TMEM245: variants seen among roughly 807,000 people sequenced by gnomAD.
TMEM245 encodes the protein protein CG-2.
TMEM245 carries 69 observed loss-of-function variants against 101.2 expected under a neutral mutation model. That is an observed-to-expected ratio of 0.68 (90% confidence interval 0.56 to 0.83). The LOEUF is 0.83. Among genes scored for constraint, TMEM245 ranks in the 40% least tolerant of loss-of-function variants. TMEM245 has a pLI of 0.00. For synonymous variants in TMEM245, 537 were observed against 449.8 expected (o/e 1.19, Z -2.45); for missense variants, 1,075 against 1,092.8 (o/e 0.98, Z 0.23).
chr9:109,073,549 C>T, intron 8 of TMEM245, 111 bp from the exon 9 acceptor site: 1 of 751,762 alleles, frequency 1.3e-6, no homozygotes, highest in Non-Finnish European at 2.2e-6. Flanking sequence ...AATAAATACA[C>T]ATCTTTGCTT....
chr9:109,101,513 G>A (rs759158157), intron 3 of TMEM245, among the ~76,000 whole-genome samples: 1 of 151,836 alleles, frequency 6.6e-6, no homozygotes, highest in Non-Finnish European at 1.5e-5. Context: ...TTAGGGGCAA[G>A]AAGAAAAAAA....
rs1829899907 is a variant in TMEM245, at chr9:109,088,331, A to T, written c.1151-989T>A. Among the ~76,000 whole-genome samples, 6 of 152,334 alleles carry T rather than the reference A, an allele frequency of 3.9e-5. No homozygotes were observed. The South Asian group carries it at 1.2e-3, about 32-fold the overall frequency. On this transcript the variant is annotated intron_variant, in intron 5 of 17. Transcript: ENST00000374586. ...CCTATAGTTTCAGTAAGTCCAGGGT[A>T]ATTACAAGCTGTAGAAAAGCTTTTA...
Position 109,050,697 on chromosome 9 carries a change from C to T in TMEM245, c.1855-5G>A, listed in dbSNP as rs200084619. ...GATCCACAGAGACTCCAAGATCTGA[C>T]GAGGAAGGAAAGCTGGATATCAGAA... is the stretch of plus-strand genomic sequence containing the variant. On this transcript the variant is annotated splice_polypyrimidine_tract_variant and splice_region_variant and intron_variant, in intron 12 of 17. Coordinates refer to ENST00000374586, the MANE Select transcript of TMEM245 (RefSeq NM_032012.4). The T allele has an allele frequency of 2.6e-5, 42 of 1,610,522 alleles. No individual in the cohort carries two copies. The highest frequency in any genetic ancestry group is 1.0e-4 in the Admixed American group (6 of 59,368).
chr9:109,114,614 G>C (rs1830661258), intron 1 of TMEM245, among the ~76,000 whole-genome samples: 1 of 152,084 alleles, frequency 6.6e-6, no homozygotes, highest in Non-Finnish European at 1.5e-5. Flanking sequence ...TAAAAAGATG[G>C]GAACAATGGG....
intron 8 of TMEM245, among the ~76,000 whole-genome samples, chr9:109,074,023 T>C (rs113793279): frequency 5.9e-5 from 9 of 152,026 alleles, no homozygotes; most frequent in African/African-American, 2.2e-4. Context: ...ACCACGCCTG[T>C]CTAATTTTGT....
At position 109,119,825 on chromosome 9, in the gene TMEM245, C is replaced by G; in HGVS notation, c.89G>C (p.Ser30Thr). Reference sequence around the variant, plus strand: ...CCGCGGGGTCTCCCCGCCACCGCCACTCGGCCCGACCGCGCGCGGGACCCG... The same window carrying G: ...CCGCGGGGTCTCCCCGCCACCGCCAGTCGGCCCGACCGCGCGCGGGACCCG... ...APRVPRAVGP[S>T]GGGGETPRTA... Residue 30 changes from serine (S) to threonine (T), a missense_variant, in exon 1 of 18, where the codon AGT becomes ACT. Physicochemically the swap from Ser to Thr is moderately conservative, Grantham distance 58. Around this residue, in one of 2 missense-constraint regions of TMEM245, gnomAD observed 808 missense variants for 741.5 expected, o/e 1.09. Coordinates refer to ENST00000374586, the MANE Select transcript of TMEM245 (RefSeq NM_032012.4). 1 of 1,387,108 alleles carries G rather than the reference C, an allele frequency of 7.2e-7. No homozygotes were observed. Among genetic ancestry groups the G allele is most frequent in the Non-Finnish European group, 9.3e-7 (1 of 1,077,584 alleles). The allele number at this position is 1,387,108 out of a possible 1,614,324, so 85.9% of individuals were successfully genotyped here.
At chr9:109,030,394 A>G (rs904912140) in intron 17 of TMEM245, among the ~76,000 whole-genome samples, 1 of 152,240 alleles carries the variant, frequency 6.6e-6, no homozygotes, top group African/African-American at 2.4e-5. Context: ...GTACTTTTAG[A>G]AGGACAAAGA....
intron 16 of TMEM245, among the ~76,000 whole-genome samples, chr9:109,034,007 A>T (rs1337507106): frequency 6.6e-6 from 1 of 152,256 alleles, no homozygotes; most frequent in Non-Finnish European, 1.5e-5. Flanking sequence ...GTGATGATAA[A>T]AGGCCTCCTG....
At chr9:109,061,224 GAGGATCA>G (rs1437513853) in intron 10 of TMEM245, among the ~76,000 whole-genome samples, 5 of 152,130 alleles carry the variant, frequency 3.3e-5, no homozygotes, top group African/African-American at 4.8e-5. Flanking sequence ...ACTGAGATGA[GAGGATCA>G]CCTGAGTCCA....
At chr9:109,119,194 G>A (rs542682745) in intron 1 of TMEM245, 141 bp downstream of exon 1, 29 of 780,668 alleles carry the variant, frequency 3.7e-5, no homozygotes, top group Admixed American at 1.2e-4. Context: ...TGAGGTGTGA[G>A]AAGGAAAGCG....
At chr9:109,106,183 C>T (rs1002778295) in intron 3 of TMEM245, among the ~76,000 whole-genome samples, 4 of 52,316 alleles carry the variant, frequency 7.6e-5, no homozygotes, top group Non-Finnish European at 1.1e-4. Context: ...TATGATTGTG[C>T]CACTGCACTC....
rs959542408 is a variant in TMEM245 at position 109,016,206 on chromosome 9, T to A, written c.*4254A>T. ...CCTTTTATAAATTCACAATGTGTAA[T>A]AGCATGTTCAAAACTCTTAGAAGTC... On this transcript the variant is annotated 3_prime_UTR_variant, in exon 18 of 18. Transcript: ENST00000374586. 6.6e-6 allele frequency: 1 copy of A among 152,534 alleles called. No individual in the cohort carries two copies. Among genetic ancestry groups the A allele is most frequent in the East Asian group, 1.9e-4 (1 of 5,202 alleles). 9.4% of individuals were successfully genotyped at this position (152,534 alleles called of 1,614,324 possible). A position where few individuals can be genotyped will look rare whatever the true frequency, so the allele number is the denominator to read the frequency against.
chr9:109,032,541 C>T (rs192831923), intron 17 of TMEM245, among the ~76,000 whole-genome samples: 5 of 151,460 alleles, frequency 3.3e-5, no homozygotes, highest in Admixed American at 3.3e-4. Flanking sequence ...CCTGCCACCA[C>T]ATCTGGCTAA....
rs146952905 is a variant in TMEM245, at chr9:109,051,269, G to T, written c.1855-577C>A. Among the ~76,000 whole-genome samples the T allele has an allele frequency of 2.0e-3, 296 of 146,508 alleles. 3 individuals carry two copies. The highest frequency in any genetic ancestry group is 7.0e-3 in the African/African-American group (271 of 38,638). On this transcript the variant is annotated intron_variant, in intron 12 of 17. Transcript: ENST00000374586. ...ATCCTACCATTGCACTGTAGCCTGG[G>T]CAGCAAGAGCAAAACTCTGTCTCAA...
In TMEM245 at chr9:109,033,358, G is replaced by A. The variant is rs773993595; in HGVS notation, c.2543C>T (p.Thr848Met). 1.1e-5 allele frequency: 18 copies of A among 1,613,740 alleles called. No homozygotes were observed. Among genetic ancestry groups the A allele is most frequent in the Admixed American group, 8.3e-5 (5 of 59,942 alleles). ...CTGGTTTGGCGTGGGAACTGAATTCGTGGGACTCACTAGCATGGCACTATA... is the reference window on the plus strand; with the variant it reads ...CTGGTTTGGCGTGGGAACTGAATTCATGGGACTCACTAGCATGGCACTATA... ...NIYSAMLVSP[T>M]NSVPTPNQTP... Residue 848 changes from threonine (T) to methionine (M), a missense_variant, in exon 17 of 18, where the codon ACG becomes ATG. Physicochemically the swap from Thr to Met is moderately conservative, Grantham distance 81. Around this residue, in one of 2 missense-constraint regions of TMEM245, gnomAD observed 267 missense variants for 351.3 expected, o/e 0.76. Transcript: ENST00000374586.
intron 9 of TMEM245, among the ~76,000 whole-genome samples, chr9:109,071,603 CAAAA>C (rs202086560): frequency 8.1e-6 from 1 of 124,202 alleles, no homozygotes; most frequent in African/African-American, 3.1e-5. Flanking sequence ...GACCCTGTCT[CAAAA>C]AAAAAAAAAA....
intron 6 of TMEM245, among the ~76,000 whole-genome samples, chr9:109,086,484 C>G (rs949710678): frequency 6.6e-6 from 1 of 152,224 alleles, no homozygotes; most frequent in Non-Finnish European, 1.5e-5. Context: ...CCCATACACA[C>G]TTTTCCTACA....
intron 12 of TMEM245, 63 bp from the exon 13 acceptor site, chr9:109,050,755 C>G (rs1828653659): frequency 6.3e-7 from 1 of 1,594,008 alleles, no homozygotes; most frequent in Non-Finnish European, 8.6e-7. Context: ...CTAGAGCCAT[C>G]TAGTGTGCTT....
chr9:109,068,342 C>A (rs920102375), intron 9 of TMEM245, among the ~76,000 whole-genome samples: 1 of 148,708 alleles, frequency 6.7e-6, no homozygotes, highest in Non-Finnish European at 1.5e-5. Context: ...TGCACTCCAG[C>A]CTGGGCGACA....
Sources: allele counts gnomAD v4.1 joint callset (sites outside exome capture counted in the v4.1 genomes callset), GRCh38; gene constraint gnomAD v4.1.1; regional missense constraint gnomAD v4.1.1; transcripts MANE v1.5; gene names NCBI Gene and HGNC (gene_info 2026-07-23, HGNC 2026-07-21).